Variants in NAV1 observed in about 807,000 individuals in gnomAD.
NAV1 encodes pore membrane and/or filament interacting like protein 3.
NAV1 carries 18 observed loss-of-function variants against 175.2 expected under a neutral mutation model. The observed-to-expected ratio is 0.10, with a 90% CI of 0.07 to 0.15. NAV1 has a LOEUF of 0.15. NAV1 is among the 10% of genes least tolerant of loss of function. NAV1 has a pLI of 1.00. For missense variants in NAV1, 1,731 were observed against 2,436.6 expected (o/e 0.71, Z 6.10); for synonymous variants, 897 against 978.7 (o/e 0.92, Z 1.56).
chr1:201,679,991 G>A (rs1021103729), intron 1 of NAV1, among the ~76,000 whole-genome samples: 1 of 152,182 alleles, frequency 6.6e-6, no homozygotes, highest in East Asian at 1.9e-4. Flanking sequence ...TCAGTACTAT[G>A]TATGTTAGTC....
chr1:201,791,673 A>G (rs1677123371), intron 13 of NAV1: 1 of 152,206 alleles, frequency 6.6e-6, no homozygotes, highest in South Asian at 2.1e-4. Flanking sequence ...CCTGGGGTCT[A>G]TCCGTCGGAA....
intron 3 of NAV1, among the ~76,000 whole-genome samples, chr1:201,777,345 C>T (rs1676021953): frequency 6.6e-6 from 1 of 152,158 alleles, no homozygotes. Flanking sequence ...GAAGGATGCA[C>T]AGAAAACTGT....
At chr1:201,670,265 A>G (rs1357329731) in intron 1 of NAV1, among the ~76,000 whole-genome samples, 1 of 150,472 alleles carries the variant, frequency 6.6e-6, no homozygotes, top group Middle Eastern at 3.2e-3. Context: ...CTGTAGTCCC[A>G]GTAACTCGGA....
At chr1:201,643,667 C>T (rs1349547085), upstream of NAV1, among the ~76,000 whole-genome samples, 1 of 152,132 alleles carries the variant, frequency 6.6e-6, no homozygotes, top group African/African-American at 2.4e-5. Context: ...CTTGCCTCAG[C>T]CTCCCAAAGT....
At chr1:201,755,943 A>G (rs2102613510) in intron 3 of NAV1, among the ~76,000 whole-genome samples, 1 of 152,082 alleles carries the variant, frequency 6.6e-6, no homozygotes, top group African/African-American at 2.4e-5. Context: ...CATCTCTACT[A>G]AAAATACAAA....
At chr1:201,648,468 G>A (rs1669057810) in exon 1 of NAV1, 1 of 1,223,190 alleles carries the variant, frequency 8.2e-7, no homozygotes, top group South Asian at 4.2e-5. Context: ...CCTTCCTCGC[G>A]TTTCTTTCCC....
At chr1:201,691,725 A>G (rs1160121699) in intron 1 of NAV1, among the ~76,000 whole-genome samples, 1 of 152,156 alleles carries the variant, frequency 6.6e-6, no homozygotes, top group African/African-American at 2.4e-5. Flanking sequence ...GATGCTTAAG[A>G]AAAGTTCTGC....
intron 1 of NAV1, among the ~76,000 whole-genome samples, chr1:201,573,614 C>G (rs1666609939): frequency 6.6e-6 from 1 of 152,204 alleles, no homozygotes; most frequent in Admixed American, 6.5e-5. Flanking sequence ...GTCTTCTGCT[C>G]CAGGCCTGCC....
At chr1:201,814,866 C>T (rs1218659387) in intron 28 of NAV1, among the ~76,000 whole-genome samples, 5 of 151,696 alleles carry the variant, frequency 3.3e-5, no homozygotes, top group African/African-American at 9.7e-5. Context: ...AGTGAAACCC[C>T]GTCTCTACTA....
chr1:201,622,828 C>CT (rs11337755), upstream of NAV1: 5 of 985,766 alleles, frequency 5.1e-6, no homozygotes, highest in South Asian at 1.4e-4. Flanking sequence ...GCCTGACGGT[C>CT]TTTTTTTGCC....
At chr1:201,643,181 CTCTT>C (rs1338872452) in intron 2 of NAV1, among the ~76,000 whole-genome samples, 2 of 141,808 alleles carry the variant, frequency 1.4e-5, no homozygotes, top group Non-Finnish European at 3.0e-5. Flanking sequence ...TCCCTTCCTT[CTCTT>C]TCTTCCTTCC....
intron 1 of NAV1, among the ~76,000 whole-genome samples, chr1:201,705,476 C>T (rs762313989): frequency 6.6e-6 from 1 of 152,172 alleles, no homozygotes. Context: ...TCAGCCCACT[C>T]GCTGATTGAG....
intron 1 of NAV1, among the ~76,000 whole-genome samples, chr1:201,546,330 C>T (rs1665671308): frequency 6.6e-6 from 1 of 152,194 alleles, no homozygotes; most frequent in African/African-American, 2.4e-5. Context: ...AAGGTGTCAG[C>T]CACACTTACC....
intron 2 of NAV1, among the ~76,000 whole-genome samples, chr1:201,631,429 T>C (rs976935751): frequency 9.2e-5 from 14 of 152,356 alleles, no homozygotes; most frequent in African/African-American, 3.4e-4. Flanking sequence ...ATTCATGTAT[T>C]CTTTCATTCA....
exon 7 of NAV1, chr1:201,783,833 A>G: frequency 1.2e-6 from 2 of 1,612,050 alleles, no homozygotes; most frequent in Non-Finnish European, 8.5e-7. Context: ...TGGAAGCCCC[A>G]GAGCTGGGCA....
intron 3 of NAV1, among the ~76,000 whole-genome samples, chr1:201,779,146 G>A (rs988455371): frequency 1.3e-5 from 2 of 152,198 alleles, no homozygotes; most frequent in Non-Finnish European, 2.9e-5. Context: ...AAAGCTTACA[G>A]GAGACAGAAT....
chr1:201,736,768 A>C (rs182409601), intron 3 of NAV1, among the ~76,000 whole-genome samples: 55 of 152,246 alleles, frequency 3.6e-4, no homozygotes, highest in African/African-American at 1.2e-3. Flanking sequence ...TTTGAAGAGA[A>C]GCCCCACAGG....
At chr1:201,640,741 C>G (rs1668728839) in intron 2 of NAV1, among the ~76,000 whole-genome samples, 1 of 152,206 alleles carries the variant, frequency 6.6e-6, no homozygotes, top group Non-Finnish European at 1.5e-5. Flanking sequence ...TTCCACACAC[C>G]AGCTGCACTG....
At chr1:201,817,212 A>G (rs1679093952) in exon 29 of NAV1, 3 of 1,613,976 alleles carry the variant, frequency 1.9e-6, no homozygotes, top group Non-Finnish European at 2.5e-6. Flanking sequence ...GTGGGCCCTC[A>G]CAGCATTGCC....
Sources: gnomAD v4.1 joint callset for allele counts (sites outside exome capture counted in the v4.1 genomes callset) on GRCh38, gnomAD v4.1.1 for gene constraint, MANE v1.5 for transcripts, NCBI Gene and HGNC (gene_info 2026-07-23, HGNC 2026-07-21) for gene names.